Variants in RPS6KB1 observed in about 807,000 individuals in gnomAD.
RPS6KB1 encodes the protein ribosomal protein S6 kinase beta-1.
In RPS6KB1, 12 loss-of-function variants were observed where a neutral mutation model predicts 70.2. The ratio of observed to expected loss-of-function variants is 0.17; its 90% CI spans 0.11 to 0.28. The LOEUF (loss-of-function observed/expected upper bound fraction) is 0.28, where lower values mean the gene tolerates loss of function less well. Ranked by LOEUF, RPS6KB1 falls within the 10% of genes least tolerant of loss-of-function variation. The pLI is 1.00. For synonymous variants in RPS6KB1, 175 were observed against 211.2 expected, an observed-to-expected ratio of 0.83 and a Z score of 1.49; for missense variants, 270 against 646.6, an observed-to-expected ratio of 0.42 and a Z score of 6.32.
At chr17:59,916,467 C>T (rs2042970730) in intron 4 of RPS6KB1, among the ~76,000 whole-genome samples, 1 of 152,120 alleles carries the variant, frequency 6.6e-6, no homozygotes, top group Admixed American at 6.6e-5. Context: ...TTATCCTCAT[C>T]CTCTCATTTT....
At chr17:59,920,692 C>T (rs1284953862) in intron 4 of RPS6KB1, among the ~76,000 whole-genome samples, 10 of 152,154 alleles carry the variant, frequency 6.6e-5, no homozygotes, top group Non-Finnish European at 5.9e-5. Flanking sequence ...AAAAGAAGTA[C>T]TGGTCAAGAT....
chr17:59,945,231 G>A (rs548050858), intron 13 of RPS6KB1, 175 bp from the exon 14 acceptor site: 7 of 473,628 alleles, frequency 1.5e-5, no homozygotes, highest in South Asian at 3.9e-5. Flanking sequence ...TGTGCCTCAC[G>A]AAATGGCTGG....
At chr17:59,905,346 G>C (rs115683010) in intron 1 of RPS6KB1, among the ~76,000 whole-genome samples, 5 of 152,012 alleles carry the variant, frequency 3.3e-5, no homozygotes, top group African/African-American at 9.7e-5. Context: ...TTTTTGACAT[G>C]CAAAGGTTTT....
intron 12 of RPS6KB1, among the ~76,000 whole-genome samples, chr17:59,937,822 G>A (rs1357000297): frequency 6.6e-6 from 1 of 152,166 alleles, no homozygotes; most frequent in African/African-American, 2.4e-5. Flanking sequence ...TAAGGCACAC[G>A]ATTCAACCCA....
chr17:59,900,696 G>A (rs997048469), intron 1 of RPS6KB1, among the ~76,000 whole-genome samples: 1 of 152,036 alleles, frequency 6.6e-6, no homozygotes, highest in Admixed American at 6.6e-5. Context: ...GTATCCTTTC[G>A]TGTAAACTGA....
At position 59,936,506 on chromosome 17, in the gene RPS6KB1, G is replaced by T. The variant is rs2044253298; in HGVS notation, c.1084G>T (p.Ala362Ser). 1 of 1,613,658 alleles carries T rather than the reference G, an allele frequency of 6.2e-7. No homozygotes were observed. The highest frequency in any genetic ancestry group is 1.3e-5 in the African/African-American group (1 of 74,870). ...FRHINWEELL[A>S]RKVEPPFKPL... ...ACACATTAACTGGGAAGAACTTCTG[G>T]CTCGAAAGGTGGAGCCCCCCTTTAA... is the stretch of plus-strand genomic sequence containing the variant. The change falls in exon 12 of 15, where the codon GCT becomes TCT. Residue 362 changes from alanine to serine, a missense_variant. Around this residue, in one of 4 missense-constraint regions of RPS6KB1, gnomAD observed 133 missense variants for 314.7 expected, o/e 0.42. Transcript: ENST00000225577.
chr17:59,893,195 G>A lies in RPS6KB1; in HGVS notation c.11G>A (p.Arg4Gln). 1 of 1,601,708 alleles carries A rather than the reference G, an allele frequency of 6.2e-7. No individual in the cohort carries two copies. The highest frequency in any genetic ancestry group is 8.5e-7 in the Non-Finnish European group (1 of 1,175,024). The change falls in exon 1 of 15, where the codon CGA becomes CAA. Residue 4 changes from arginine to glutamine, a missense_variant. Arg to Gln is a conservative substitution (Grantham distance 43). This residue lies in a region of RPS6KB1 where 72 missense variants were observed against 93.4 expected (regional missense o/e 0.77). Coordinates refer to ENST00000225577, the MANE Select transcript of RPS6KB1 (RefSeq NM_003161.4). The surrounding 1 kb of genome is among the most constrained non-coding windows in gnomAD (Gnocchi z 4.1). ...GGCGGGTCCGGGCCCATGAGGCGACGAAGGAGGCGGGACGGCTTTTACCCA... is the reference window on the plus strand; with the variant it reads ...GGCGGGTCCGGGCCCATGAGGCGACAAAGGAGGCGGGACGGCTTTTACCCA... MRR[R>Q]RRRDGFYPAP...
At chr17:59,938,192 G>GCC (rs2044361464) in intron 12 of RPS6KB1, among the ~76,000 whole-genome samples, 1 of 138,302 alleles carries the variant, frequency 7.2e-6, no homozygotes, top group African/African-American at 2.9e-5. Context: ...TTTGGGGGGG[G>GCC]GATAGGGTCT....
rs1382929902 is a variant in RPS6KB1, at chr17:59,938,701, G to GTGTGTGTA, written c.1120-2128_1120-2127insATGTGTGT. ...GATCAGGAGGCATAATGTGTAGTTT[G>GTGTGTGTA]TGTGTGTGTGTGTGTGTGTGTGTGT... On this transcript the variant is annotated intron_variant, in intron 12 of 14. Transcript: ENST00000225577. Among the ~76,000 whole-genome samples the GTGTGTGTA allele has an allele frequency of 3.9e-4, 24 of 61,412 alleles. 1 individual carries two copies. In the East Asian group the frequency reaches 0.013, roughly 34 times the overall value. The allele number at this position is 61,412 out of a possible 152,430, so 40.3% of individuals were successfully genotyped here. A position where few individuals can be genotyped will look rare whatever the true frequency, so the allele number is the denominator to read the frequency against.
intron 10 of RPS6KB1, 147 bp from the exon 11 acceptor site, chr17:59,936,068 A>C: frequency 1.5e-6 from 1 of 673,534 alleles, no homozygotes; most frequent in Admixed American, 3.3e-5. Context: ...CAGCCTCCCA[A>C]AGTGCTGGGA....
At chr17:59,923,322 A>G (rs2144893182) in intron 4 of RPS6KB1, among the ~76,000 whole-genome samples, 1 of 151,948 alleles carries the variant, frequency 6.6e-6, no homozygotes, top group Admixed American at 6.6e-5. Context: ...CTCTGGAGTA[A>G]CGGGAGTATA....
intron 12 of RPS6KB1, among the ~76,000 whole-genome samples, chr17:59,938,706 T>C (rs1435460172): frequency 1.7e-5 from 2 of 119,374 alleles, no homozygotes; most frequent in Non-Finnish European, 3.2e-5. Context: ...AGTTTGTGTG[T>C]GTGTGTGTGT....
In RPS6KB1 at chr17:59,914,523, C is replaced by T; in HGVS notation, c.313-112C>T. 5.0e-6 allele frequency: 4 copies of T among 803,256 alleles called. No individual in the cohort carries two copies. The South Asian group carries it at 6.0e-5, about 12-fold the overall frequency. The allele number at this position is 803,256 out of a possible 1,614,324, so 49.8% of individuals were successfully genotyped here. On this transcript the variant is annotated intron_variant, in intron 3 of 14. Coordinates refer to ENST00000225577, the MANE Select transcript of RPS6KB1 (RefSeq NM_003161.4). ...GTTCTTTTAGCTGATCATTTTTGCA[C>T]ATAGTTTTTATAATATAAACTGCTG...
At chr17:59,908,253 C>T (rs561637341) in intron 1 of RPS6KB1, among the ~76,000 whole-genome samples, 24 of 150,452 alleles carry the variant, frequency 1.6e-4, no homozygotes, top group South Asian at 8.4e-4. Flanking sequence ...AGTGCAGTGG[C>T]GAGATCTCGG....
In RPS6KB1 at chr17:59,906,770, C is replaced by T. The variant is rs369085874; in HGVS notation, c.142-3792C>T. Among the ~76,000 whole-genome samples the T allele has an allele frequency of 4.5e-4, 68 of 152,118 alleles. 1 individual carries two copies. Among genetic ancestry groups the T allele is most frequent in the African/African-American group, 1.6e-3 (65 of 41,502 alleles). On this transcript the variant is annotated intron_variant, in intron 1 of 14. Coordinates refer to ENST00000225577, the MANE Select transcript of RPS6KB1 (RefSeq NM_003161.4). ...AGTGCAATGGTGTGATCTCGCTCAC[C>T]GCAACGTCTGCCTTACGGGTTCAAG... is the stretch of plus-strand genomic sequence containing the variant.
chr17:59,924,697 T>C (rs554787102), intron 4 of RPS6KB1, among the ~76,000 whole-genome samples: 123 of 152,034 alleles, frequency 8.1e-4, no homozygotes, highest in African/African-American at 2.9e-3. Context: ...CAGATACATA[T>C]TATATATATT....
At chr17:59,910,213 G>A (rs1205553723) in intron 1 of RPS6KB1, among the ~76,000 whole-genome samples, 6 of 149,424 alleles carry the variant, frequency 4.0e-5, no homozygotes, top group Non-Finnish European at 8.9e-5. Context: ...AAAAAAACCC[G>A]GGTGCCTATA....
chr17:59,938,699 T>TGTGTGTGTGTG (rs2044395492), intron 12 of RPS6KB1, among the ~76,000 whole-genome samples: 3 of 138,084 alleles, frequency 2.2e-5, no homozygotes, highest in Non-Finnish European at 4.7e-5. Flanking sequence ...AATGTGTAGT[T>TGTGTGTGTGTG]TGTGTGTGTG....
At chr17:59,925,501 C>G (rs1411494212) in intron 4 of RPS6KB1, among the ~76,000 whole-genome samples, 1 of 151,992 alleles carries the variant, frequency 6.6e-6, no homozygotes, top group African/African-American at 2.4e-5. Flanking sequence ...TCATTTTTTT[C>G]TATCTTCATT....
Sources: gnomAD v4.1 joint callset for allele counts (sites outside exome capture counted in the v4.1 genomes callset) on GRCh38, gnomAD v4.1.1 for gene constraint, gnomAD v4.1.1 regional missense constraint, Gnocchi (gnomAD v3.1) non-coding constraint, MANE v1.5 for transcripts, NCBI Gene and HGNC (gene_info 2026-07-23, HGNC 2026-07-21) for gene names.